CSMD2: variants seen among roughly 807,000 people sequenced by gnomAD.
CSMD2 encodes the protein CUB and sushi domain-containing protein 2.
In CSMD2, 130 loss-of-function variants were observed where a neutral mutation model predicts 398.5. The observed-to-expected ratio is 0.33, with a 90% CI of 0.28 to 0.38. The LOEUF is 0.38. Among genes scored for constraint, CSMD2 ranks in the 10% least tolerant of loss-of-function variants. The pLI is 1.00. For missense variants in CSMD2, 3,829 were observed against 4,764.9 expected, an observed-to-expected ratio of 0.80 and a Z score of 5.78; for synonymous variants, 1,828 against 1,908.5, an observed-to-expected ratio of 0.96 and a Z score of 1.10.
At chr1:34,091,377 C>T (rs886368794) in intron 1 of CSMD2, among the ~76,000 whole-genome samples, 18 of 152,298 alleles carry the variant, frequency 1.2e-4, no homozygotes, top group Admixed American at 2.0e-4. Flanking sequence ...CAGCCCTATA[C>T]GGTAGATACT....
chr1:34,151,540 GA>G (rs1366257235), intron 1 of CSMD2, among the ~76,000 whole-genome samples: 1 of 152,118 alleles, frequency 6.6e-6, no homozygotes, highest in African/African-American at 2.4e-5. Flanking sequence ...GGTTTCTTGG[GA>G]AGTAGCAGGA....
At chr1:33,704,235 T>G (rs1645702247) in intron 22 of CSMD2, among the ~76,000 whole-genome samples, 1 of 152,020 alleles carries the variant, frequency 6.6e-6, no homozygotes, top group Non-Finnish European at 1.5e-5. Flanking sequence ...GTTTATTAGT[T>G]GATTGTTTTG....
intron 10 of CSMD2, among the ~76,000 whole-genome samples, chr1:33,807,205 A>G (rs1486494019): frequency 6.6e-6 from 1 of 152,208 alleles, no homozygotes; most frequent in African/African-American, 2.4e-5. Flanking sequence ...GGAACTATCA[A>G]CTGATAATCA....
intron 31 of CSMD2, among the ~76,000 whole-genome samples, chr1:33,634,841 C>T (rs1642699238): frequency 1.3e-5 from 2 of 152,146 alleles, no homozygotes; most frequent in South Asian, 4.1e-4. Context: ...CATTCCTCTC[C>T]TCCCTCCTGC....
chr1:34,125,891 T>C (rs754277356), intron 1 of CSMD2, among the ~76,000 whole-genome samples: 18 of 152,064 alleles, frequency 1.2e-4, no homozygotes, highest in Non-Finnish European at 2.1e-4. Context: ...CGGGAGGGCT[T>C]TTGAGGGGGA....
chr1:33,799,596 T>C (rs1285314363), intron 10 of CSMD2, among the ~76,000 whole-genome samples: 1 of 152,250 alleles, frequency 6.6e-6, no homozygotes, highest in Non-Finnish European at 1.5e-5. Flanking sequence ...GAGCTAAAGA[T>C]GTCTATGTGA....
At chr1:33,884,930 C>T (rs1641488932) in intron 5 of CSMD2, 1 of 152,250 alleles carries the variant, frequency 6.6e-6, no homozygotes, top group Non-Finnish European at 1.5e-5. Flanking sequence ...CCTTATTGTC[C>T]CTGCTCCCAA....
intron 5 of CSMD2, among the ~76,000 whole-genome samples, chr1:33,877,014 T>C (rs774030268): frequency 1.2e-4 from 18 of 152,038 alleles, no homozygotes; most frequent in Middle Eastern, 3.4e-3. Flanking sequence ...AGTAGTAGAG[T>C]CAGAGAAAAC....
chr1:34,099,377 G>A (rs1017527435), intron 1 of CSMD2, among the ~76,000 whole-genome samples: 5 of 152,198 alleles, frequency 3.3e-5, no homozygotes, highest in Non-Finnish European at 7.3e-5. Flanking sequence ...TACACAGAGT[G>A]GTTCTGAAGT....
intron 12 of CSMD2, among the ~76,000 whole-genome samples, chr1:33,776,689 G>A (rs1652022554): frequency 6.6e-6 from 1 of 152,058 alleles, no homozygotes; most frequent in African/African-American, 2.4e-5. Flanking sequence ...ACTGAGTGAG[G>A]GGGGATTGGG....
At chr1:33,545,927 T>C (rs1656833230) in intron 57 of CSMD2, 110 bp downstream of exon 57, 2 of 1,024,034 alleles carry the variant, frequency 2.0e-6, no homozygotes, top group Non-Finnish European at 2.9e-6. Flanking sequence ...AGGGTTCAAA[T>C]GGGGCCACGG....
intron 3 of CSMD2, among the ~76,000 whole-genome samples, chr1:33,952,663 G>A (rs1645042012): frequency 6.7e-6 from 1 of 149,744 alleles, no homozygotes; most frequent in Non-Finnish European, 1.5e-5. Context: ...TGTGGTTCTT[G>A]TTTTTGTTGT....
intron 45 of CSMD2, among the ~76,000 whole-genome samples, 197 bp downstream of exon 45, chr1:33,586,891 T>A (rs933490335): frequency 2.0e-5 from 3 of 152,240 alleles, no homozygotes; most frequent in African/African-American, 7.2e-5. Context: ...AAAAGAAAAC[T>A]ATTTTTCTGC....
chr1:34,150,394 A>AT (rs1465068361), intron 1 of CSMD2, among the ~76,000 whole-genome samples: 1 of 152,102 alleles, frequency 6.6e-6, no homozygotes, highest in Non-Finnish European at 1.5e-5. Flanking sequence ...CAGAATCTAC[A>AT]TTTTTAACTG....
At chr1:34,020,300 C>A (rs554738406) in intron 3 of CSMD2, among the ~76,000 whole-genome samples, 2 of 152,308 alleles carry the variant, frequency 1.3e-5, no homozygotes, top group African/African-American at 4.8e-5. Flanking sequence ...CCAAGATTAG[C>A]TCCTGGTCAA....
intron 13 of CSMD2, among the ~76,000 whole-genome samples, chr1:33,760,925 C>A (rs1198635557): frequency 6.6e-6 from 1 of 152,028 alleles, no homozygotes; most frequent in African/African-American, 2.4e-5. Flanking sequence ...AGACCCCAGG[C>A]CAAAAGGTTT....
chr1:33,809,486 A>G (rs1003072012), intron 10 of CSMD2, among the ~76,000 whole-genome samples: 1 of 152,052 alleles, frequency 6.6e-6, no homozygotes, highest in Admixed American at 6.5e-5. Context: ...TTAGCAAACT[A>G]CGATTAGGAA....
intron 35 of CSMD2, among the ~76,000 whole-genome samples, chr1:33,623,855 C>T (rs1641928167): frequency 6.6e-6 from 1 of 152,208 alleles, no homozygotes; most frequent in African/African-American, 2.4e-5. Context: ...CCCACTCCTG[C>T]CCAGATCTGT....
rs760076906 is a variant in CSMD2 at position 33,700,691 on chromosome 1, C to T, written c.3577-18G>A. 4 of 1,613,646 alleles carry T rather than the reference C, an allele frequency of 2.5e-6. No individual in the cohort carries two copies. On this transcript the variant is annotated intron_variant, in intron 22 of 70. Coordinates refer to ENST00000373381, the MANE Select transcript of CSMD2 (RefSeq NM_001281956.2). The stretch of plus-strand genomic sequence containing the variant: ...TCATAAACCTGGACACAGGAGAGAC[C>T]CCCAACCCAATGTCGTCAGCATGGC...
Sources: gnomAD v4.1 joint callset for allele counts (sites outside exome capture counted in the v4.1 genomes callset) on GRCh38, gnomAD v4.1.1 for gene constraint, MANE v1.5 for transcripts, NCBI Gene and HGNC (gene_info 2026-07-23, HGNC 2026-07-21) for gene names.